The following IFT88 variants were observed in gnomAD, a reference collection of about 807,000 sequenced individuals.
IFT88 encodes intraflagellar transport 88, also known as intraflagellar transport protein 88 homolog.
In IFT88, 74 loss-of-function variants were observed where a neutral mutation model predicts 119.5. The observed-to-expected ratio is 0.62, with a 90% CI of 0.51 to 0.75. The LOEUF (loss-of-function observed/expected upper bound fraction) is 0.75, where lower values mean the gene tolerates loss of function less well. Ranked by LOEUF, IFT88 falls within the 30% of genes least tolerant of loss-of-function variation. The pLI is 0.00. For synonymous variants in IFT88, 279 were observed against 316.7 expected, an observed-to-expected ratio of 0.88 and a Z score of 1.26; for missense variants, 961 against 977.7, an observed-to-expected ratio of 0.98 and a Z score of 0.23.
At chr13:20,607,312 C>A in intron 13 of IFT88, 1 of 465,854 alleles carries the variant, frequency 2.1e-6, no homozygotes, top group East Asian at 5.8e-5. Context: ...GCAAGTACTT[C>A]GCATCCCTGT....
chr13:20,654,199 G>A (rs971374770), intron 21 of IFT88, among the ~76,000 whole-genome samples: 12 of 152,088 alleles, frequency 7.9e-5, no homozygotes, highest in African/African-American at 2.9e-4. Flanking sequence ...ATTTTCACAA[G>A]TTAGCCACAG....
intron 3 of IFT88, among the ~76,000 whole-genome samples, chr13:20,587,284 G>A (rs781478255): frequency 6.6e-6 from 1 of 150,852 alleles, no homozygotes; most frequent in African/African-American, 2.4e-5. Flanking sequence ...CTGAGACCAA[G>A]TCTCACTCTT....
chr13:20,667,750 C>G (rs1594791982), intron 23 of IFT88, among the ~76,000 whole-genome samples: 1 of 152,012 alleles, frequency 6.6e-6, no homozygotes, highest in East Asian at 1.9e-4. Flanking sequence ...CCCATTTTCA[C>G]AGTTTTATAT....
intron 21 of IFT88, among the ~76,000 whole-genome samples, chr13:20,654,800 A>G (rs1357282927): frequency 6.6e-6 from 1 of 152,210 alleles, no homozygotes; most frequent in Non-Finnish European, 1.5e-5. Context: ...TTATATCAAC[A>G]TGAGTTCTCA....
At chr13:20,635,609 G>A (rs975854264) in intron 16 of IFT88, among the ~76,000 whole-genome samples, 17 of 152,090 alleles carry the variant, frequency 1.1e-4, no homozygotes, top group Non-Finnish European at 1.8e-4. Flanking sequence ...ATAAGAAATA[G>A]CCTATGTTTC....
At chr13:20,607,137 T>G in intron 13 of IFT88, 1 of 402,374 alleles carries the variant, frequency 2.5e-6, no homozygotes, top group Non-Finnish European at 5.1e-6. Context: ...ACTGTGTCCT[T>G]GTGCCACATC....
At chr13:20,623,631 T>C (rs1180023904) in intron 14 of IFT88, among the ~76,000 whole-genome samples, 1 of 152,060 alleles carries the variant, frequency 6.6e-6, no homozygotes, top group Non-Finnish European at 1.5e-5. Flanking sequence ...CCCACCACCA[T>C]GCCCAGCTAA....
chr13:20,625,644 A>G (rs939893572), intron 14 of IFT88, 106 bp from the exon 15 acceptor site: 3 of 694,204 alleles, frequency 4.3e-6, no homozygotes, highest in Non-Finnish European at 7.4e-6. Context: ...TTTACAGAGT[A>G]CTAGGGACCC....
chr13:20,599,712 C>T, intron 11 of IFT88, 147 bp downstream of exon 11: 1 of 544,916 alleles, frequency 1.8e-6, no homozygotes, highest in Non-Finnish European at 3.2e-6. Context: ...CTGTTCCCTT[C>T]TTACTACTTG....
Position 20,601,750 on chromosome 13 carries a change from T to C in IFT88, c.858T>C (p.Gly286=). 1 of 1,613,052 alleles carries C rather than the reference T, an allele frequency of 6.2e-7. No individual in the cohort carries two copies. Among genetic ancestry groups the C allele is most frequent in the Non-Finnish European group, 8.5e-7 (1 of 1,179,100 alleles). Residue 286 remains glycine (G), a synonymous_variant, in exon 12 of 26, where the codon GGT becomes GGC. Transcript: ENST00000351808. ...TTGGAGTTACATTTATTCAGGCTGG[T>C]CAGTATTCAGATGCTATTAATTCAT... ...QNIGVTFIQA[G]QYSDAINSYE... is the part of the protein sequence containing the mutation.
At chr13:20,588,135 C>T (rs2138564251) in intron 3 of IFT88, among the ~76,000 whole-genome samples, 1 of 150,888 alleles carries the variant, frequency 6.6e-6, no homozygotes, top group Admixed American at 6.6e-5. Flanking sequence ...TTTAGTGTTT[C>T]CCTAAATATT....
At chr13:20,632,187 A>T (rs929706384) in intron 16 of IFT88, 2 of 151,912 alleles carry the variant, frequency 1.3e-5, no homozygotes, top group Non-Finnish European at 2.9e-5. Context: ...CACTTTGAGA[A>T]CCCATACGAT....
chr13:20,641,350 A>G lies in IFT88; in HGVS notation c.1634A>G (p.His545Arg), dbSNP rs772666195. Residue 545 changes from histidine to arginine, a missense_variant, in exon 18 of 26, where the codon CAC (histidine) becomes CGC (arginine). Coordinates refer to ENST00000351808, the MANE Select transcript of IFT88 (RefSeq NM_006531.5). ...GCTTTGGACTGTTTCCTGAAACTTCACGCAATCCTACGAAACAGTGCCGAA... is the reference window on the plus strand; with the variant it reads ...GCTTTGGACTGTTTCCTGAAACTTCGCGCAATCCTACGAAACAGTGCCGAA... ...DEALDCFLKL[H>R]AILRNSAEVL... 3.7e-6 allele frequency: 6 copies of G among 1,612,690 alleles called. No individual in the cohort carries two copies. Among genetic ancestry groups the G allele is most frequent in the Admixed American group, 1.7e-5 (1 of 59,970 alleles).
chr13:20,663,209 AC>A (rs2054113012), intron 22 of IFT88: 1 of 1,341,368 alleles, frequency 7.5e-7, no homozygotes, highest in Non-Finnish European at 9.7e-7. Context: ...AACAAATGTT[AC>A]ATTTGCCTTC....
chr13:20,620,435 A>G (rs1479085470), intron 14 of IFT88, among the ~76,000 whole-genome samples: 1 of 152,166 alleles, frequency 6.6e-6, no homozygotes, highest in African/African-American at 2.4e-5. Context: ...GTAACACTTG[A>G]TATCTGGTAG....
intron 2 of IFT88, among the ~76,000 whole-genome samples, chr13:20,581,139 T>C (rs2038566192): frequency 6.6e-6 from 1 of 152,212 alleles, no homozygotes; most frequent in South Asian, 2.1e-4. Context: ...CAAAAATAAA[T>C]TAGACAGTGA....
At chr13:20,653,960 T>A (rs771275207) in intron 21 of IFT88, 32 bp downstream of exon 21, 2 of 1,402,786 alleles carry the variant, frequency 1.4e-6, no homozygotes, top group South Asian at 2.6e-5. Context: ...ATTTTATAGA[T>A]ATTTTGCTTC....
intron 1 of IFT88, among the ~76,000 whole-genome samples, chr13:20,570,223 C>T (rs1221016368): frequency 2.6e-5 from 4 of 152,130 alleles, no homozygotes; most frequent in Admixed American, 2.0e-4. Flanking sequence ...GGAACAGTAA[C>T]AGATGTTGGC....
At chr13:20,607,659 T>C (rs992793367) in intron 13 of IFT88, 2 of 881,156 alleles carry the variant, frequency 2.3e-6, no homozygotes, top group African/African-American at 1.6e-5. Context: ...CTGGTGGACC[T>C]CTCAGCTTTC....
Sources: gnomAD v4.1 joint callset for allele counts (sites outside exome capture counted in the v4.1 genomes callset) on GRCh38, gnomAD v4.1.1 for gene constraint, MANE v1.5 for transcripts, NCBI Gene and HGNC (gene_info 2026-07-23, HGNC 2026-07-21) for gene names.